Variants in HBEGF observed in about 807,000 individuals in gnomAD.
The protein encoded by HBEGF is proheparin-binding EGF-like growth factor.
HBEGF carries 8 observed loss-of-function variants against 19.5 expected under a neutral mutation model. The observed-to-expected ratio is 0.41, with a 90% CI of 0.24 to 0.74. The LOEUF (loss-of-function observed/expected upper bound fraction) is 0.74. Ranked by LOEUF, HBEGF falls within the 30% of genes least tolerant of loss-of-function variation. HBEGF has a pLI of 0.32. For missense variants in HBEGF, 207 were observed against 256.9 expected (o/e 0.81, Z 1.33); for synonymous variants, 97 against 108.9 (o/e 0.89, Z 0.68).
chr5:140,337,644 G>T (rs1447691416), intron 3 of HBEGF, among the ~76,000 whole-genome samples: 1 of 152,156 alleles, frequency 6.6e-6, no homozygotes, highest in Non-Finnish European at 1.5e-5. Context: ...CTGCATTCTT[G>T]CTTTCCTGCC....
intron 3 of HBEGF, among the ~76,000 whole-genome samples, chr5:140,339,873 G>A (rs1456916240): frequency 6.6e-6 from 1 of 152,208 alleles, no homozygotes; most frequent in Non-Finnish European, 1.5e-5. Context: ...AAGATCCCCA[G>A]ATGAACGTGC....
rs1386276077 is a variant in HBEGF, at chr5:140,332,935, GA to G, written c.*1363del. ...TTGTAACAGTTCAGAAATGGCACCA[GA>G]AACTTCCAGAAAGGACCATGACAGC... On this transcript the variant is annotated 3_prime_UTR_variant, in exon 6 of 6. Coordinates refer to ENST00000230990, the MANE Select transcript of HBEGF (RefSeq NM_001945.3). 1 of 152,662 alleles carries G rather than the reference GA, an allele frequency of 6.6e-6. No homozygotes were observed. Among genetic ancestry groups the G allele is most frequent in the African/African-American group, 2.4e-5 (1 of 41,460 alleles). 9.5% of individuals were successfully genotyped at this position (152,662 alleles called of 1,614,324 possible).
At chr5:140,334,979 C>T (rs2074613) in intron 4 of HBEGF, 324,925 of 583,366 alleles carry the variant, frequency 0.56, 91,959 homozygotes, top group African/African-American at 0.74. Flanking sequence ...GTGATCCTCA[C>T]AACATCCTTA....
Position 140,345,937 on chromosome 5 carries a change from T to C in HBEGF, c.194A>G (p.Gln65Arg). 6.2e-7 allele frequency: 1 copy of C among 1,614,202 alleles called. No individual in the cohort carries two copies. Among genetic ancestry groups the C allele is most frequent in the Non-Finnish European group, 8.5e-7 (1 of 1,180,018 alleles). The change falls in exon 2 of 6, where the codon CAA becomes CGA. Residue 65 changes from glutamine to arginine, a missense_variant. This residue lies in a region of HBEGF where 127 missense variants were observed against 132.7 expected (regional missense o/e 0.96). Transcript: ENST00000230990. The stretch of plus-strand genomic sequence containing the variant: ...TCTCAAAAGGTCCAGATCTGCCTCT[T>C]GCAAGTCACGGACTTTCCGGTCCCG... Reference protein sequence around the residue: ...GGRDRKVRDLQEADLDLLRVT... With the variant: ...GGRDRKVRDLREADLDLLRVT...
chr5:140,336,121 C>A, intron 3 of HBEGF, 94 bp from the exon 4 acceptor site: 1 of 1,296,366 alleles, frequency 7.7e-7, no homozygotes, highest in Non-Finnish European at 1.1e-6. Flanking sequence ...ATTCCTCATA[C>A]CCTCAGCCTG....
intron 3 of HBEGF, among the ~76,000 whole-genome samples, chr5:140,339,516 T>C (rs1229866416): frequency 1.3e-5 from 2 of 151,976 alleles, no homozygotes; most frequent in East Asian, 1.9e-4. Flanking sequence ...CCTCAGCCTC[T>C]CTAGTAGCTG....
intron 3 of HBEGF, among the ~76,000 whole-genome samples, chr5:140,340,833 T>G (rs1766300951): frequency 6.6e-6 from 1 of 152,196 alleles, no homozygotes; most frequent in South Asian, 2.1e-4. Context: ...ATGAAAAGCA[T>G]GTTGGACTAG....
intron 2 of HBEGF, among the ~76,000 whole-genome samples, 194 bp downstream of exon 2, chr5:140,345,717 G>A (rs974276057): frequency 4.6e-5 from 7 of 152,106 alleles, no homozygotes; most frequent in Non-Finnish European, 8.8e-5. Context: ...CCCAGCAGGT[G>A]AGGCAATGAC....
chr5:140,342,587 CTG>C, intron 3 of HBEGF, 46 bp downstream of exon 3: 1 of 1,560,860 alleles, frequency 6.4e-7, no homozygotes, highest in South Asian at 1.1e-5. Context: ...AGCCACGTGG[CTG>C]ACAAAGTGTG....
At position 140,342,789 on chromosome 5, in the gene HBEGF, C is replaced by G; in HGVS notation, c.244G>C (p.Ala82Pro). ...LRVTLSSKPQ[A>P]LATPNKEEHG... ...TCCTCCTTGTTTGGTGTGGCCAGTG[C>G]TTGTGGCTTGGAGGATAAAGTGACT... The change falls in exon 3 of 6, where the codon GCA (alanine) becomes CCA (proline). Residue 82 changes from alanine (A) to proline (P), a missense_variant. Around this residue, in one of 3 missense-constraint regions of HBEGF, gnomAD observed 127 missense variants for 132.7 expected, o/e 0.96. Coordinates refer to ENST00000230990, the MANE Select transcript of HBEGF (RefSeq NM_001945.3). 2 of 1,614,190 alleles carry G rather than the reference C, an allele frequency of 1.2e-6. No homozygotes were observed. The highest frequency in any genetic ancestry group is 1.7e-6 in the Non-Finnish European group (2 of 1,180,032).
In HBEGF at chr5:140,346,363, T is replaced by G; in HGVS notation, c.-35A>C. The G allele has an allele frequency of 6.3e-7, 1 of 1,597,560 alleles. No individual in the cohort carries two copies. Among genetic ancestry groups the G allele is most frequent in the Non-Finnish European group, 8.5e-7 (1 of 1,173,200 alleles). ...CCGAGAGGAGGCGGCGAGGCACCAG[T>G]CACTTTCGAAGCGGCGGCCACTGGG... On this transcript the variant is annotated 5_prime_UTR_variant, in exon 1 of 6. Transcript: ENST00000230990. This position sits in a 1 kb window ranked among gnomAD's most constrained non-coding sequence, Gnocchi z 6.1.
intron 2 of HBEGF, among the ~76,000 whole-genome samples, chr5:140,344,498 G>A (rs548761504): frequency 1.3e-5 from 2 of 152,276 alleles, no homozygotes; most frequent in African/African-American, 4.8e-5. Context: ...CATATCAAGT[G>A]CCTAGAACAC....
chr5:140,336,083 A>G, intron 3 of HBEGF, 56 bp from the exon 4 acceptor site: 1 of 1,573,728 alleles, frequency 6.4e-7, no homozygotes, highest in Non-Finnish European at 8.7e-7. Context: ...CTCTCTTGGC[A>G]ATGGCCCACC....
intron 2 of HBEGF, among the ~76,000 whole-genome samples, chr5:140,343,674 T>C (rs1766349922): frequency 6.6e-6 from 1 of 152,192 alleles, no homozygotes; most frequent in Non-Finnish European, 1.5e-5. Flanking sequence ...CTCACCCAGA[T>C]ATCCAGCTGG....
Position 140,346,027 on chromosome 5 carries a change from G to A in HBEGF, c.104C>T (p.Ala35Val), listed in dbSNP as rs1374087345. The A allele has an allele frequency of 1.2e-6, 2 of 1,614,062 alleles. No homozygotes were observed. The highest frequency in any genetic ancestry group is 1.1e-5 in the South Asian group (1 of 91,082). The change falls in exon 2 of 6, where the codon GCT becomes GTT. Residue 35 changes from alanine to valine, a missense_variant. Physicochemically the swap from Ala to Val is moderately conservative, Grantham distance 64. Coordinates refer to ENST00000230990, the MANE Select transcript of HBEGF (RefSeq NM_001945.3). The surrounding 1 kb of genome is among the most constrained non-coding windows in gnomAD (Gnocchi z 6.1). ...GGGAGGGTCCGGGTTGCTGGTTCCA[G>A]CAGCTAGCCCTCTCCGAAGCCGCTC... The part of the protein sequence containing the change: ...SLERLRRGLA[A>V]GTSNPDPPTV...
rs1054644188 is a variant in HBEGF, at chr5:140,333,632, T to C, written c.*667A>G. ...ATTGCCAAAGTAACAGTCTAGGCACTTGAAATATTATTGTTAGATTGTTAA... is the reference window on the plus strand; with the variant it reads ...ATTGCCAAAGTAACAGTCTAGGCACCTGAAATATTATTGTTAGATTGTTAA... On this transcript the variant is annotated 3_prime_UTR_variant, in exon 6 of 6. Coordinates refer to ENST00000230990, the MANE Select transcript of HBEGF (RefSeq NM_001945.3). 1 of 152,662 alleles carries C rather than the reference T, an allele frequency of 6.6e-6. No individual in the cohort carries two copies. The highest frequency in any genetic ancestry group is 1.5e-5 in the Non-Finnish European group (1 of 68,048). The allele number at this position is 152,662 out of a possible 1,614,324, so 9.5% of individuals were successfully genotyped here.
chr5:140,345,486 T>C (rs540125970), intron 2 of HBEGF, among the ~76,000 whole-genome samples: 4 of 152,314 alleles, frequency 2.6e-5, no homozygotes, highest in African/African-American at 9.6e-5. Flanking sequence ...GCACACTTTC[T>C]AGAGATGTGC....
At chr5:140,339,295 A>G (rs912726893) in intron 3 of HBEGF, among the ~76,000 whole-genome samples, 3 of 152,174 alleles carry the variant, frequency 2.0e-5, no homozygotes, top group Non-Finnish European at 4.4e-5. Flanking sequence ...CCTCAGCCCA[A>G]GTGTCCCCAG....
In HBEGF at chr5:140,340,602, A is replaced by AAAAG. The variant is rs1425021660; in HGVS notation, c.398+2029_398+2032dup. Among the ~76,000 whole-genome samples, 60 of 146,824 alleles carry AAAAG rather than the reference A, an allele frequency of 4.1e-4. No homozygotes were observed. In the East Asian group the frequency reaches 5.3e-3, roughly 13 times the overall value. On this transcript the variant is annotated intron_variant, in intron 3 of 5. Coordinates refer to ENST00000230990, the MANE Select transcript of HBEGF (RefSeq NM_001945.3). ...TGTCTCAAAAAAAAAAAAAAAAAAA[A>AAAAG]AAAGAAAGAAAGAAAGAAAAGAACA...
Sources: gnomAD v4.1 joint callset for allele counts (sites outside exome capture counted in the v4.1 genomes callset) on GRCh38, gnomAD v4.1.1 for gene constraint, gnomAD v4.1.1 regional missense constraint, Gnocchi (gnomAD v3.1) non-coding constraint, MANE v1.5 for transcripts, NCBI Gene and HGNC (gene_info 2026-07-23, HGNC 2026-07-21) for gene names.